The following DYTN variants were observed in gnomAD, a reference collection of about 807,000 sequenced individuals.
DYTN encodes dystrotelin.
A neutral mutation model predicts 69.6 loss-of-function variants in DYTN; 75 were observed. The ratio of observed to expected loss-of-function variants is 1.08; its 90% CI spans 0.89 to 1.31. DYTN has a LOEUF of 1.31. Among genes scored for constraint, DYTN ranks in the 50% most tolerant of loss-of-function variants. The probability of loss-of-function intolerance (pLI) is 0.00; values close to 1 mark genes in which losing one functional copy is unlikely to be tolerated. For missense variants in DYTN, 726 were observed against 688.4 expected (o/e 1.05, Z -0.61); for synonymous variants, 252 against 249.1 (o/e 1.01, Z -0.11).
chr2:206,711,589 CT>C (rs943271406), intron 1 of DYTN, among the ~76,000 whole-genome samples: 1 of 151,166 alleles, frequency 6.6e-6, no homozygotes, highest in African/African-American at 2.4e-5. Flanking sequence ...TTTTACTTTT[CT>C]TTTTTTTATT....
At chr2:206,684,944 G>T (rs1200695493) in intron 9 of DYTN, among the ~76,000 whole-genome samples, 2 of 152,156 alleles carry the variant, frequency 1.3e-5, no homozygotes, top group African/African-American at 4.8e-5. Context: ...GAAGTCCTAA[G>T]ATAAAGCAGT....
At chr2:206,652,851 G>C (rs1452072827) in intron 11 of DYTN, among the ~76,000 whole-genome samples, 1 of 152,144 alleles carries the variant, frequency 6.6e-6, no homozygotes, top group Non-Finnish European at 1.5e-5. Flanking sequence ...AGAGAGTGAA[G>C]AGCATGATGA....
At chr2:206,710,351 G>A (rs998523182) in intron 2 of DYTN, among the ~76,000 whole-genome samples, 173 bp downstream of exon 2, 6 of 152,168 alleles carry the variant, frequency 3.9e-5, no homozygotes, top group East Asian at 1.9e-4. Context: ...TTGCCTGCAC[G>A]TGATGTTTTC....
intron 9 of DYTN, among the ~76,000 whole-genome samples, chr2:206,684,875 A>G (rs1699788578): frequency 6.6e-6 from 1 of 152,188 alleles, no homozygotes; most frequent in Non-Finnish European, 1.5e-5. Flanking sequence ...CCAGAAATGT[A>G]TTTTCTAAGA....
intron 11 of DYTN, among the ~76,000 whole-genome samples, chr2:206,659,268 T>C (rs1375659076): frequency 1.4e-5 from 2 of 147,764 alleles, no homozygotes. Context: ...GCCTCCTGGG[T>C]TCAAGCCATT....
At chr2:206,662,754 G>T in intron 11 of DYTN, 149 bp downstream of exon 11, 3 of 1,250,430 alleles carry the variant, frequency 2.4e-6, no homozygotes, top group Non-Finnish European at 3.3e-6. Context: ...TAAAAATCAA[G>T]TTCAGAGATG....
chr2:206,702,110 C>A (rs1248783176), intron 5 of DYTN, among the ~76,000 whole-genome samples: 1 of 152,178 alleles, frequency 6.6e-6, no homozygotes, highest in Non-Finnish European at 1.5e-5. Flanking sequence ...ATCTGTGCCA[C>A]CACACTCAGT....
intron 3 of DYTN, among the ~76,000 whole-genome samples, chr2:206,706,687 G>C (rs1346204899): frequency 3.3e-5 from 5 of 151,996 alleles, no homozygotes; most frequent in Admixed American, 2.0e-4. Context: ...GAATTCTAAA[G>C]GATGAAGTCT....
At position 206,651,691 on chromosome 2, in the gene DYTN, A is replaced by G; in HGVS notation, c.*127T>C. The G allele has an allele frequency of 1.2e-6, 1 of 867,468 alleles. No homozygotes were observed. Among genetic ancestry groups the G allele is most frequent in the Non-Finnish European group, 1.8e-6 (1 of 566,616 alleles). 53.7% of individuals were successfully genotyped at this position (867,468 alleles called of 1,614,324 possible). A position where few individuals can be genotyped will look rare whatever the true frequency, so the allele number is the denominator to read the frequency against. ...TAAGTAGGGAGGGAGATCAAAAAACAAAACCTGTTTTCTTCATAGTTCACA... is the reference window on the plus strand; with the variant it reads ...TAAGTAGGGAGGGAGATCAAAAAACGAAACCTGTTTTCTTCATAGTTCACA... On this transcript the variant is annotated 3_prime_UTR_variant, in exon 12 of 12. Transcript: ENST00000452335.
In DYTN at chr2:206,692,805, C is replaced by CT. The variant is rs574617680; in HGVS notation, c.980+369dup. On this transcript the variant is annotated intron_variant, in intron 9 of 11. Transcript: ENST00000452335. Reference sequence around the variant, plus strand: ...TGGTATGCTGAGTGTCTTTCTTTTCCTTTTTTTTTTTTAAATAAAGTATTA... The same window carrying CT: ...TGGTATGCTGAGTGTCTTTCTTTTCCTTTTTTTTTTTTTAAATAAAGTATTA... 1.8e-3 allele frequency among the ~76,000 whole-genome samples: 260 copies of CT among 143,774 alleles called. 3 individuals carry two copies. Among genetic ancestry groups the CT allele is most frequent in the African/African-American group, 5.0e-3 (195 of 39,312 alleles). 94.3% of individuals were successfully genotyped at this position (143,774 alleles called of 152,430 possible).
intron 9 of DYTN, among the ~76,000 whole-genome samples, chr2:206,679,577 T>G (rs942631467): frequency 1.3e-5 from 2 of 152,200 alleles, no homozygotes; most frequent in Non-Finnish European, 2.9e-5. Flanking sequence ...TGTTATACAA[T>G]TCCATTTGGT....
At chr2:206,664,808 AT>A (rs1394512694) in intron 10 of DYTN, among the ~76,000 whole-genome samples, 2 of 152,150 alleles carry the variant, frequency 1.3e-5, no homozygotes, top group Non-Finnish European at 1.5e-5. Context: ...ATGAACGTGA[AT>A]TTTTTTCACC....
At chr2:206,700,553 A>T (rs1273231532) in intron 5 of DYTN, among the ~76,000 whole-genome samples, 1 of 152,108 alleles carries the variant, frequency 6.6e-6, no homozygotes, top group African/African-American at 2.4e-5. Flanking sequence ...TATGAAATGA[A>T]GATCACAATA....
intron 10 of DYTN, among the ~76,000 whole-genome samples, chr2:206,663,870 G>A (rs1216830916): frequency 6.6e-6 from 1 of 152,208 alleles, no homozygotes; most frequent in Non-Finnish European, 1.5e-5. Flanking sequence ...GACCCTAGGA[G>A]ATCCCCAAGA....
At chr2:206,680,551 A>G (rs561765642) in intron 9 of DYTN, among the ~76,000 whole-genome samples, 7 of 152,280 alleles carry the variant, frequency 4.6e-5, no homozygotes, top group African/African-American at 1.7e-4. Context: ...AATTCCTTCC[A>G]GTATAGTAGA....
intron 9 of DYTN, among the ~76,000 whole-genome samples, chr2:206,692,237 C>A (rs534280869): frequency 6.6e-6 from 1 of 150,790 alleles, no homozygotes; most frequent in African/African-American, 2.4e-5. Context: ...TGCACTCCAA[C>A]CTGGGCGACA....
chr2:206,712,859 T>A (rs1700089996), intron 1 of DYTN, among the ~76,000 whole-genome samples: 1 of 152,228 alleles, frequency 6.6e-6, no homozygotes, highest in South Asian at 2.1e-4. Context: ...AGGCAAGTAA[T>A]GTTCCAATGA....
intron 2 of DYTN, among the ~76,000 whole-genome samples, chr2:206,710,252 A>T (rs149762792): frequency 2.0e-5 from 3 of 152,220 alleles, no homozygotes; most frequent in Non-Finnish European, 4.4e-5. Flanking sequence ...AACATTTTCT[A>T]GAAGAAGCCA....
intron 9 of DYTN, among the ~76,000 whole-genome samples, chr2:206,680,698 A>T (rs976406503): frequency 1.3e-5 from 2 of 152,098 alleles, no homozygotes; most frequent in African/African-American, 4.8e-5. Flanking sequence ...CAAGGGCCAA[A>T]TCTTGTGTAT....
Sources: allele counts gnomAD v4.1 joint callset (sites outside exome capture counted in the v4.1 genomes callset), GRCh38; gene constraint gnomAD v4.1.1; transcripts MANE v1.5; gene names NCBI Gene and HGNC (gene_info 2026-07-23, HGNC 2026-07-21).